Variants in MAGEA1 observed in about 807,000 individuals in gnomAD.
The protein encoded by MAGEA1 is melanoma-associated antigen 1.
For synonymous variants in MAGEA1, 101 were observed against 96.7 expected, an observed-to-expected ratio of 1.04 and a Z score of -0.26; for missense variants, 182 against 233.7, an observed-to-expected ratio of 0.78 and a Z score of 1.44.
At position 153,182,654 on chromosome X, in the gene MAGEA1, A is replaced by G; in HGVS notation, c.265A>G (p.Ser89Gly). The G allele has an allele frequency of 8.3e-7, 1 of 1,211,960 alleles. No homozygotes were observed. Among genetic ancestry groups the G allele is most frequent in the South Asian group, 1.8e-5 (1 of 56,980 alleles). The change falls in exon 3 of 3, where the codon AGC becomes GGC. Residue 89 changes from serine to glycine, a missense_variant. By Grantham distance (56) the Ser-to-Gly change is moderately conservative (BLOSUM62 0). Transcript: ENST00000356661. ...CAGCAGCCGTGAAGAGGAGGGGCCA[A>G]GCACCTCTTGTATCCTGGAGTCCTT... Reference protein sequence around the residue: ...GSSSREEEGPSTSCILESLFR... With the variant: ...GSSSREEEGPGTSCILESLFR...
intron 1 of MAGEA1, among the ~76,000 whole-genome samples, chrX:153,181,306 C>A (rs2124114778): frequency 9.0e-6 from 1 of 110,944 alleles, no homozygotes; most frequent in South Asian, 3.9e-4. Flanking sequence ...CGTAGGGACC[C>A]CCATCTGGTC....
rs1261630686 is a variant in MAGEA1 at position 153,183,811 on chromosome X, A to G, written c.*492A>G. The G allele has an allele frequency of 8.2e-6, 1 of 122,518 alleles. No homozygotes were observed. The highest frequency in any genetic ancestry group is 1.8e-5 in the Non-Finnish European group (1 of 56,647). The allele number at this position is 122,518 out of a possible 1,213,427, so 10.1% of individuals were successfully genotyped here. A position where few individuals can be genotyped will look rare whatever the true frequency, so the allele number is the denominator to read the frequency against. On this transcript the variant is annotated 3_prime_UTR_variant, in exon 3 of 3. Coordinates refer to ENST00000356661, the MANE Select transcript of MAGEA1 (RefSeq NM_004988.5). ...GTAAAATTTTTAAAGATATATGCAT[A>G]CCTGGATTTCCTTGGCTTCTTTGAG... is the stretch of plus-strand genomic sequence containing the variant.
intron 1 of MAGEA1, among the ~76,000 whole-genome samples, 159 bp downstream of exon 1, chrX:153,179,524 G>C (rs3788753): frequency 0.096 from 10,387 of 108,216 alleles, 659 homozygotes; most frequent in East Asian, 0.41. Context: ...AGAGACACCA[G>C]GTTCTTCTCC....
At chrX:153,182,014 T>C (rs1028558997) in intron 1 of MAGEA1, among the ~76,000 whole-genome samples, 163 bp from the exon 2 acceptor site, 40 of 111,205 alleles carry the variant, frequency 3.6e-4, no homozygotes, top group African/African-American at 7.5e-4. Flanking sequence ...GCACAGGGTG[T>C]GCCAGCAGTG....
intron 1 of MAGEA1, among the ~76,000 whole-genome samples, chrX:153,180,238 G>A (rs1198815018): frequency 1.8e-5 from 2 of 111,139 alleles, no homozygotes; most frequent in South Asian, 3.8e-4. Context: ...TTATGTGACC[G>A]GGGCAGGGTT....
In MAGEA1 at chrX:153,183,330, C is replaced by T. The variant is rs781786090; in HGVS notation, c.*11C>T. ...GAAGAGGGAGTCTGAGCATGAGTTGCAGCCAAGGCCAGTGGGAGGGGGACT... is the reference window on the plus strand; with the variant it reads ...GAAGAGGGAGTCTGAGCATGAGTTGTAGCCAAGGCCAGTGGGAGGGGGACT... On this transcript the variant is annotated 3_prime_UTR_variant, in exon 3 of 3. Transcript: ENST00000356661. 1.7e-6 allele frequency: 2 copies of T among 1,194,554 alleles called. No individual in the cohort carries two copies. Among genetic ancestry groups the T allele is most frequent in the African/African-American group, 3.5e-5 (2 of 57,102 alleles).
chrX:153,182,646 AG>A lies in MAGEA1; in HGVS notation c.261del (p.Pro88GlnfsTer14). On this transcript the variant is annotated frameshift_variant, in exon 3 of 3. Coordinates refer to ENST00000356661, the MANE Select transcript of MAGEA1 (RefSeq NM_004988.5). LOFTEE classifies it low-confidence loss of function (END_TRUNC). ...PSEGSSSREE[E>X]GPSTSCILES... ...GAGGGTTCCAGCAGCCGTGAAGAGG[AG>A]GGGCCAAGCACCTCTTGTATCCTGG... The A allele has an allele frequency of 1.7e-6, 2 of 1,211,813 alleles. No homozygotes were observed. The highest frequency in any genetic ancestry group is 2.2e-6 in the Non-Finnish European group (2 of 895,447).
At position 153,183,221 on chromosome X, in the gene MAGEA1, A is replaced by C. The variant is rs781992458; in HGVS notation, c.832A>C (p.Lys278Gln). 2.5e-6 allele frequency: 3 copies of C among 1,210,884 alleles called. No homozygotes were observed. Among genetic ancestry groups the C allele is most frequent in the Non-Finnish European group, 3.4e-6 (3 of 895,409 alleles). Residue 278 changes from lysine (K) to glutamine (Q), a missense_variant, in exon 3 of 3, where the codon AAA becomes CAA. Physicochemically the swap from Lys to Gln is moderately conservative, Grantham distance 53 (BLOSUM62 1). Coordinates refer to ENST00000356661, the MANE Select transcript of MAGEA1 (RefSeq NM_004988.5). Reference protein sequence around the residue: ...PRALAETSYVKVLEYVIKVSA... With the variant: ...PRALAETSYVQVLEYVIKVSA... ...GGCCCTCGCTGAAACCAGCTATGTG[A>C]AAGTCCTTGAGTATGTGATCAAGGT... is the stretch of plus-strand genomic sequence containing the variant.
rs781871179 is a variant in MAGEA1, at chrX:153,182,257, G to A, written c.-66+8G>A. The A allele has an allele frequency of 1.2e-5, 12 of 1,011,696 alleles. No homozygotes were observed. In the East Asian group the frequency reaches 2.7e-4, roughly 23 times the overall value. 83.4% of individuals were successfully genotyped at this position (1,011,696 alleles called of 1,213,427 possible). On this transcript the variant is annotated splice_region_variant and intron_variant, in intron 2 of 2. Transcript: ENST00000356661. ...GCACCAAGGAGAAGATCTGTAAGTA[G>A]GCCTTTGTTAGAGTCTCCAAGGTTC...
Position 153,179,296 on chromosome X carries a change from G to A in MAGEA1, c.-208G>A, listed in dbSNP as rs1326069908. On this transcript the variant is annotated 5_prime_UTR_variant, in exon 1 of 3. Transcript: ENST00000356661. ...CGCATTGTGGGGCAGAGAGAAGCGA[G>A]GTTTCCATTCTGAGGGACGGCGTAG... 6 of 100,012 alleles carry A rather than the reference G, an allele frequency of 6.0e-5. No homozygotes were observed. The highest frequency in any genetic ancestry group is 1.1e-4 in the Admixed American group (1 of 9,194). The allele number at this position is 100,012 out of a possible 1,213,427, so 8.2% of individuals were successfully genotyped here.
At position 153,183,308 on chromosome X, in the gene MAGEA1, G is replaced by T; in HGVS notation, c.919G>T (p.Glu307Ter). ...LREAALREEEEGV is the reference protein window; with the variant it reads ...LREAALREEE ...TGAAGCAGCTTTGAGAGAGGAGGAAGAGGGAGTCTGAGCATGAGTTGCAGC... is the reference window on the plus strand; with the variant it reads ...TGAAGCAGCTTTGAGAGAGGAGGAATAGGGAGTCTGAGCATGAGTTGCAGC... Residue 307 changes from glutamate to a stop codon, truncating the protein, a stop_gained, in exon 3 of 3, where the codon GAG (glutamate) becomes TAG (stop). Coordinates refer to ENST00000356661, the MANE Select transcript of MAGEA1 (RefSeq NM_004988.5). LOFTEE classifies it high-confidence loss of function. 2 of 1,205,987 alleles carry T rather than the reference G, an allele frequency of 1.7e-6. No individual in the cohort carries two copies. Among genetic ancestry groups the T allele is most frequent in the Non-Finnish European group, 2.2e-6 (2 of 892,124 alleles).
chrX:153,182,382 G>C lies in MAGEA1; in HGVS notation c.-8G>C, dbSNP rs1556944060. ...ACACTCCTGCCTGCTGCCCTGACGAGAGTCATCATGTCTCTTGAGCAGAGG... is the reference window on the plus strand; with the variant it reads ...ACACTCCTGCCTGCTGCCCTGACGACAGTCATCATGTCTCTTGAGCAGAGG... On this transcript the variant is annotated 5_prime_UTR_variant, in exon 3 of 3. Transcript: ENST00000356661. 4 of 1,206,112 alleles carry C rather than the reference G, an allele frequency of 3.3e-6. No individual in the cohort carries two copies. The South Asian group carries it at 7.1e-5, about 21-fold the overall frequency.
Position 153,179,685 on chromosome X carries a change from C to T in MAGEA1, c.-139+320C>T, listed in dbSNP as rs190101144. 5.9e-4 allele frequency among the ~76,000 whole-genome samples: 62 copies of T among 104,870 alleles called. No individual in the cohort carries two copies. In the East Asian group the frequency reaches 0.014, roughly 23 times the overall value. The allele number at this position is 104,870 out of a possible 115,157, so 91.1% of individuals were successfully genotyped here. A position where few individuals can be genotyped will look rare whatever the true frequency, so the allele number is the denominator to read the frequency against. ...CTCCAATCCCCACTCCCACCCCATT[C>T]GCATTCCCATTCCCCACCCAACCCC... On this transcript the variant is annotated intron_variant, in intron 1 of 2. Coordinates refer to ENST00000356661, the MANE Select transcript of MAGEA1 (RefSeq NM_004988.5).
chrX:153,180,364 C>T (rs782027116), intron 1 of MAGEA1, among the ~76,000 whole-genome samples: 33 of 111,104 alleles, frequency 3.0e-4, no homozygotes, highest in African/African-American at 7.5e-4. Context: ...TCATCTCCAC[C>T]GCCACCCCAC....
rs369028108 is a variant in MAGEA1 at position 153,183,275 on chromosome X, T to A, written c.886T>A (p.Ser296Thr). 104 of 1,209,894 alleles carry A rather than the reference T, an allele frequency of 8.6e-5. No individual in the cohort carries two copies. The highest frequency in any genetic ancestry group is 7.0e-5 in the African/African-American group (4 of 57,337). The part of the protein sequence containing the change: ...VSARVRFFFP[S>T]LREAALREEE... ...TGCAAGAGTTCGCTTTTTCTTCCCA[T>A]CCCTGCGTGAAGCAGCTTTGAGAGA... The change falls in exon 3 of 3, where the codon TCC becomes ACC. Residue 296 changes from serine (S) to threonine (T), a missense_variant. Physicochemically the swap from Ser to Thr is moderately conservative, Grantham distance 58 (BLOSUM62 1). Transcript: ENST00000356661.
In MAGEA1 at chrX:153,183,430, T is replaced by C. The variant is rs1344328771; in HGVS notation, c.*111T>C. 9.5e-6 allele frequency: 7 copies of C among 736,275 alleles called. No individual in the cohort carries two copies. Among genetic ancestry groups the C allele is most frequent in the Non-Finnish European group, 1.4e-5 (7 of 492,595 alleles). The allele number at this position is 736,275 out of a possible 1,213,427, so 60.7% of individuals were successfully genotyped here. ...GTGACATGAGGCCCATTCTTCACTC[T>C]GAAGAGAGCGGTCAGTGTTCTCAGT... On this transcript the variant is annotated 3_prime_UTR_variant, in exon 3 of 3. Coordinates refer to ENST00000356661, the MANE Select transcript of MAGEA1 (RefSeq NM_004988.5).
intron 1 of MAGEA1, among the ~76,000 whole-genome samples, chrX:153,180,277 A>AAGGTCCAGGCATCC (rs1274877513): frequency 5.4e-5 from 6 of 111,341 alleles, no homozygotes; most frequent in Non-Finnish European, 9.4e-5. Context: ...CCCAGGCATC[A>AAGGTCCAGGCATCC]AGGTCCAGGC....
At position 153,182,378 on chromosome X, in the gene MAGEA1, A is replaced by C. The variant is rs2051499189; in HGVS notation, c.-12A>C. ...GCCCACACTCCTGCCTGCTGCCCTGACGAGAGTCATCATGTCTCTTGAGCA... is the reference window on the plus strand; with the variant it reads ...GCCCACACTCCTGCCTGCTGCCCTGCCGAGAGTCATCATGTCTCTTGAGCA... On this transcript the variant is annotated 5_prime_UTR_variant, in exon 3 of 3. Transcript: ENST00000356661. The C allele has an allele frequency of 2.1e-5, 25 of 1,201,270 alleles. No homozygotes were observed. The highest frequency in any genetic ancestry group is 2.8e-5 in the Non-Finnish European group (25 of 886,240).
intron 1 of MAGEA1, among the ~76,000 whole-genome samples, chrX:153,181,976 A>G (rs148073281): frequency 0.028 from 3,072 of 111,225 alleles, 104 homozygotes; most frequent in African/African-American, 0.094. Flanking sequence ...GGTCTGAGAC[A>G]GTATCCTCAG....
Sources: gnomAD v4.1 joint callset for allele counts (sites outside exome capture counted in the v4.1 genomes callset) on GRCh38, gnomAD v4.1.1 for gene constraint, MANE v1.5 for transcripts, NCBI Gene and HGNC (gene_info 2026-07-23, HGNC 2026-07-21) for gene names.